DISP1: variants seen among roughly 807,000 people sequenced by gnomAD.
The protein encoded by DISP1 is dispatched RND transporter family member 1.
Under a neutral mutation model 37.3 loss-of-function variants are expected in DISP1, and 30 were observed. The ratio of observed to expected loss-of-function variants is 0.80; its 90% CI spans 0.60 to 1.09. The LOEUF is 1.09. Ranked by LOEUF, DISP1 falls within the 50% of genes least tolerant of loss-of-function variation. DISP1 has a pLI of 0.00. For synonymous variants in DISP1, 634 were observed against 690.2 expected, an observed-to-expected ratio of 0.92 and a Z score of 1.28; for missense variants, 1,598 against 1,879.5, an observed-to-expected ratio of 0.85 and a Z score of 2.77.
rs115819002 is a variant in DISP1 at position 222,893,806 on chromosome 1, G to C, written c.-158-34624G>C. On this transcript the variant is annotated intron_variant, in intron 1 of 8. Coordinates refer to ENST00000675850, the MANE Select transcript of DISP1 (RefSeq NM_001377229.1). This position sits in a 1 kb window ranked among gnomAD's most constrained non-coding sequence, Gnocchi z 4.3. ...TGCCCACAACGTGGCTAATGGAGTGGGGGCGTGTTTCAGCCCTGTTTGTGT... is the reference window on the plus strand; with the variant it reads ...TGCCCACAACGTGGCTAATGGAGTGCGGGCGTGTTTCAGCCCTGTTTGTGT... Among the ~76,000 whole-genome samples, 1,736 of 152,286 alleles carry C rather than the reference G, an allele frequency of 0.011. 33 individuals carry two copies. The highest frequency in any genetic ancestry group is 0.04 in the African/African-American group (1,665 of 41,558).
At chr1:222,892,474 A>G (rs1219310287) in intron 1 of DISP1, among the ~76,000 whole-genome samples, 1 of 152,234 alleles carries the variant, frequency 6.6e-6, no homozygotes, top group Non-Finnish European at 1.5e-5. Context: ...CCGAGAAATA[A>G]TAAGTTTTGA....
intron 3 of DISP1, among the ~76,000 whole-genome samples, chr1:222,945,392 TATC>T (rs1324193921): frequency 6.6e-6 from 1 of 152,258 alleles, no homozygotes; most frequent in Non-Finnish European, 1.5e-5. Flanking sequence ...ATTATTAAAT[TATC>T]ATAAATATTG....
intron 1 of DISP1, among the ~76,000 whole-genome samples, chr1:222,839,946 C>A (rs1366296338): frequency 6.7e-6 from 1 of 149,446 alleles, no homozygotes; most frequent in Non-Finnish European, 1.5e-5. Context: ...AAAAAAAATG[C>A]ATTTAGTACA....
At chr1:222,940,435 C>T (rs771546371) in intron 2 of DISP1, among the ~76,000 whole-genome samples, 3 of 152,136 alleles carry the variant, frequency 2.0e-5, no homozygotes, top group East Asian at 1.9e-4. Flanking sequence ...CCTCCCACCA[C>T]GCCCCACCTC....
At chr1:222,834,010 A>T (rs1158987007) in intron 1 of DISP1, among the ~76,000 whole-genome samples, 1 of 152,214 alleles carries the variant, frequency 6.6e-6, no homozygotes, top group African/African-American at 2.4e-5. Flanking sequence ...CTTTGGAGGC[A>T]CATAGTGTGT....
intron 1 of DISP1, among the ~76,000 whole-genome samples, chr1:222,820,150 C>T (rs1309424146): frequency 6.6e-6 from 1 of 152,062 alleles, no homozygotes; most frequent in Non-Finnish European, 1.5e-5. Context: ...TAATCAAGGG[C>T]AGATTTTCTG....
intron 1 of DISP1, among the ~76,000 whole-genome samples, chr1:222,890,829 T>C (rs1670899139): frequency 6.6e-6 from 1 of 152,102 alleles, no homozygotes; most frequent in African/African-American, 2.4e-5. Flanking sequence ...GTTACTTGGT[T>C]TGTAGACACA....
chr1:222,868,369 TTATA>T (rs1052588472), intron 1 of DISP1, among the ~76,000 whole-genome samples: 14 of 152,094 alleles, frequency 9.2e-5, no homozygotes, highest in African/African-American at 3.1e-4. Flanking sequence ...GTATATATGT[TTATA>T]TATGTATATG....
intron 3 of DISP1, among the ~76,000 whole-genome samples, chr1:222,960,486 T>C (rs1054269885): frequency 1.3e-5 from 2 of 152,132 alleles, no homozygotes; most frequent in African/African-American, 2.4e-5. Flanking sequence ...AAGAGGGACA[T>C]TTATAGCACT....
intron 2 of DISP1, among the ~76,000 whole-genome samples, chr1:222,931,969 C>T (rs941748326): frequency 1.3e-5 from 2 of 151,814 alleles, no homozygotes; most frequent in African/African-American, 2.4e-5. Context: ...CTTTCTCTCC[C>T]CACCCTTCCA....
chr1:222,870,058 C>T (rs1248644386), intron 1 of DISP1, among the ~76,000 whole-genome samples: 6 of 151,836 alleles, frequency 4.0e-5, no homozygotes, highest in Admixed American at 1.3e-4. Context: ...TTTGTCCTTG[C>T]GATAGTTTGC....
intron 8 of DISP1, among the ~76,000 whole-genome samples, chr1:222,998,017 A>G (rs1679192435): frequency 6.6e-6 from 1 of 152,146 alleles, no homozygotes; most frequent in East Asian, 1.9e-4. Flanking sequence ...ACACCTTTGT[A>G]TTCTAGTCTC....
chr1:222,964,020 A>T (rs116799983), intron 3 of DISP1, among the ~76,000 whole-genome samples: 2,789 of 151,420 alleles, frequency 0.018, 80 homozygotes, highest in African/African-American at 0.064. Context: ...ATCCTTAATT[A>T]AAAAAAAAGA....
At chr1:222,846,459 C>A (rs550484184) in intron 1 of DISP1, among the ~76,000 whole-genome samples, 4 of 151,866 alleles carry the variant, frequency 2.6e-5, no homozygotes, top group East Asian at 1.9e-4. Flanking sequence ...CCATTGCACT[C>A]CAGCCTGGGC....
chr1:223,003,297 G>A lies in DISP1; in HGVS notation c.1900G>A (p.Gly634Arg), dbSNP rs770547973. The A allele has an allele frequency of 6.2e-7, 1 of 1,614,188 alleles. No homozygotes were observed. The highest frequency in any genetic ancestry group is 8.5e-7 in the Non-Finnish European group (1 of 1,180,044). ...CAACATTACAGCAATCCGATGCTTTGGGGTTTATGCGGGGACAGCTATATT... is the reference window on the plus strand; with the variant it reads ...CAACATTACAGCAATCCGATGCTTTAGGGTTTATGCGGGGACAGCTATATT... Reference protein sequence around the residue: ...VSNITAIRCFGVYAGTAILVN... With the variant: ...VSNITAIRCFRVYAGTAILVN... Residue 634 changes from glycine to arginine, a missense_variant, in exon 9 of 9, where the codon GGG (glycine) becomes AGG (arginine). Gly to Arg is a moderately radical substitution (Grantham distance 125). Coordinates refer to ENST00000675850, the MANE Select transcript of DISP1 (RefSeq NM_001377229.1). The surrounding 1 kb of genome is among the most constrained non-coding windows in gnomAD (Gnocchi z 4.3).
chr1:222,887,505 T>G (rs1302462136), intron 1 of DISP1, among the ~76,000 whole-genome samples: 1 of 128,430 alleles, frequency 7.8e-6, no homozygotes, highest in African/African-American at 2.9e-5. Context: ...TTTTTTTTTT[T>G]TTTTGAGACG....
At chr1:222,816,248 GTTA>G (rs1189228474) in intron 1 of DISP1, among the ~76,000 whole-genome samples, 1 of 152,010 alleles carries the variant, frequency 6.6e-6, no homozygotes, top group Non-Finnish European at 1.5e-5. Context: ...TATTGATTTA[GTTA>G]TTATTTACCT....
intron 2 of DISP1, among the ~76,000 whole-genome samples, chr1:222,930,069 A>G (rs2125455827): frequency 6.6e-6 from 1 of 152,294 alleles, no homozygotes; most frequent in Non-Finnish European, 1.5e-5. Context: ...AATATGTATT[A>G]TAAAGTGGAT....
intron 1 of DISP1, among the ~76,000 whole-genome samples, chr1:222,872,828 T>G (rs1358622145): frequency 6.6e-6 from 1 of 152,216 alleles, no homozygotes; most frequent in Non-Finnish European, 1.5e-5. Context: ...TTTGAATGTG[T>G]TTGCTCTTGC....
Sources: allele counts gnomAD v4.1 joint callset (sites outside exome capture counted in the v4.1 genomes callset), GRCh38; gene constraint gnomAD v4.1.1; non-coding constraint Gnocchi (gnomAD v3.1); transcripts MANE v1.5; gene names NCBI Gene and HGNC (gene_info 2026-07-23, HGNC 2026-07-21).